PLEKHA5: variants seen among roughly 807,000 people sequenced by gnomAD.
PLEKHA5 encodes the protein pleckstrin homology domain containing A5.
A neutral mutation model predicts 181.9 loss-of-function variants in PLEKHA5; 55 were observed. That is an observed-to-expected ratio of 0.30 (90% CI 0.24 to 0.38). The LOEUF (loss-of-function observed/expected upper bound fraction) is 0.38. Among genes scored for constraint, PLEKHA5 ranks in the 10% least tolerant of loss-of-function variants. PLEKHA5 has a pLI of 1.00. For synonymous variants in PLEKHA5, 535 were observed against 529.4 expected, an observed-to-expected ratio of 1.01 and a Z score of -0.15; for missense variants, 1,432 against 1,549.5, an observed-to-expected ratio of 0.92 and a Z score of 1.27.
chr12:19,367,255 CTTCTTTTTTTTTTTTT>C (rs1218499994), intron 30 of PLEKHA5, among the ~76,000 whole-genome samples: 5 of 107,676 alleles, frequency 4.6e-5, no homozygotes, highest in Non-Finnish European at 8.8e-5. Context: ...CGCTTTGCTT[CTTCTTTTTTTTTTTTT>C]TTTTTTTTTT....
At chr12:19,168,652 T>G (rs1013378538) in intron 3 of PLEKHA5, among the ~76,000 whole-genome samples, 4 of 152,202 alleles carry the variant, frequency 2.6e-5, no homozygotes, top group African/African-American at 9.7e-5. Flanking sequence ...CATACATATG[T>G]GCACATTCTG....
intron 15 of PLEKHA5, chr12:19,306,448 C>T (rs1199244444): frequency 3.3e-6 from 2 of 607,198 alleles, no homozygotes; most frequent in East Asian, 8.1e-5. Context: ...GAGGCTGTAG[C>T]ATCGGATACC....
intron 14 of PLEKHA5, 60 bp downstream of exon 14, chr12:19,290,856 A>G (rs2152842911): frequency 8.4e-6 from 12 of 1,427,438 alleles, no homozygotes; most frequent in African/African-American, 1.4e-5. Flanking sequence ...TGAAACACTC[A>G]TCAGTCAATA....
Position 19,363,495 on chromosome 12 carries a change from T to C in PLEKHA5, c.3608+1789T>C, listed in dbSNP as rs562899057. ...TTTAGCTATATTTCTTAACTAGCCT[T>C]CTTTTTTTTTTTTTGAGACAGAGTC... On this transcript the variant is annotated intron_variant, in intron 29 of 31. Coordinates refer to ENST00000429027, the MANE Select transcript of PLEKHA5 (RefSeq NM_001256470.2). Among the ~76,000 whole-genome samples the C allele has an allele frequency of 2.2e-4, 33 of 150,176 alleles. No homozygotes were observed. In the South Asian group the frequency reaches 5.7e-3, roughly 26 times the overall value.
At chr12:19,306,692 C>A in intron 15 of PLEKHA5, 1 of 1,469,864 alleles carries the variant, frequency 6.8e-7, no homozygotes, top group Non-Finnish European at 9.5e-7. Context: ...CAGATGCGGA[C>A]TCTCTTCGGT....
chr12:19,211,321 T>G (rs867907709), intron 3 of PLEKHA5, among the ~76,000 whole-genome samples: 2 of 152,204 alleles, frequency 1.3e-5, no homozygotes, highest in Middle Eastern at 6.8e-3. Context: ...GTGATTAAAT[T>G]AAGGACTTTG....
intron 3 of PLEKHA5, chr12:19,152,242 A>G (rs1031100577): frequency 2.6e-5 from 4 of 152,188 alleles, no homozygotes; most frequent in Admixed American, 6.5e-5. Flanking sequence ...AGTCATTTTG[A>G]AAGTTCAAAC....
chr12:19,335,531 T>C (rs1373534764), intron 20 of PLEKHA5, among the ~76,000 whole-genome samples: 1 of 149,818 alleles, frequency 6.7e-6, no homozygotes, highest in African/African-American at 2.5e-5. Flanking sequence ...TTCTCCTGCC[T>C]CAGCCTCCTA....
At chr12:19,200,245 T>G in intron 3 of PLEKHA5, 2 of 1,019,536 alleles carry the variant, frequency 2.0e-6, no homozygotes, top group Non-Finnish European at 2.9e-6. Flanking sequence ...CCCATCCCCC[T>G]TAAATATGTA....
intron 3 of PLEKHA5, among the ~76,000 whole-genome samples, chr12:19,248,094 G>A (rs1377764897): frequency 4.6e-5 from 7 of 151,952 alleles, no homozygotes; most frequent in African/African-American, 1.7e-4. Flanking sequence ...GTGATGGCGT[G>A]CACCTTTAGT....
intron 7 of PLEKHA5, 41 bp downstream of exon 7, chr12:19,261,062 G>T: frequency 9.4e-7 from 1 of 1,060,654 alleles, no homozygotes; most frequent in Non-Finnish European, 1.4e-6. Flanking sequence ...TTTTGTAATT[G>T]ATATGTAATA....
chr12:19,164,869 A>C (rs940810146), intron 3 of PLEKHA5, among the ~76,000 whole-genome samples: 1 of 151,770 alleles, frequency 6.6e-6, no homozygotes, highest in South Asian at 2.1e-4. Flanking sequence ...TTCCATTTCT[A>C]CTTGCGGATG....
intron 3 of PLEKHA5, among the ~76,000 whole-genome samples, chr12:19,224,044 G>T (rs2059356741): frequency 6.6e-6 from 1 of 152,114 alleles, no homozygotes; most frequent in Admixed American, 6.5e-5. Context: ...TGTGATTGTT[G>T]TCTAGGTTTC....
intron 3 of PLEKHA5, chr12:19,153,396 A>ATG (rs1409588964): frequency 1.3e-4 from 20 of 152,300 alleles, no homozygotes; most frequent in African/African-American, 4.3e-4. Flanking sequence ...TGTTGGGATC[A>ATG]ACCCAACTTG....
At chr12:19,261,599 T>G (rs1361024663) in intron 7 of PLEKHA5, among the ~76,000 whole-genome samples, 1 of 152,202 alleles carries the variant, frequency 6.6e-6, no homozygotes, top group Non-Finnish European at 1.5e-5. Flanking sequence ...AGTTGTTACC[T>G]GCCAATGAAA....
intron 30 of PLEKHA5, among the ~76,000 whole-genome samples, chr12:19,367,492 T>A (rs2095462204): frequency 6.6e-6 from 1 of 151,622 alleles, no homozygotes; most frequent in Non-Finnish European, 1.5e-5. Flanking sequence ...TGACCTCAGG[T>A]GATCCACCCA....
intron 3 of PLEKHA5, among the ~76,000 whole-genome samples, chr12:19,180,133 T>G (rs1343259197): frequency 6.6e-6 from 1 of 152,220 alleles, no homozygotes; most frequent in Non-Finnish European, 1.5e-5. Flanking sequence ...TGGTGATTAT[T>G]TTTTAGAGCA....
At chr12:19,205,664 A>G (rs1427731021) in intron 3 of PLEKHA5, among the ~76,000 whole-genome samples, 1 of 152,130 alleles carries the variant, frequency 6.6e-6, no homozygotes, top group Non-Finnish European at 1.5e-5. Context: ...ATAAATTGCT[A>G]TGATGATACT....
chr12:19,362,553 A>G (rs903531452), intron 29 of PLEKHA5, among the ~76,000 whole-genome samples: 1 of 151,154 alleles, frequency 6.6e-6, no homozygotes, highest in African/African-American at 2.5e-5. Context: ...GGAAAAAAAA[A>G]GAAAATACAT....
Sources: gnomAD v4.1 joint callset for allele counts (sites outside exome capture counted in the v4.1 genomes callset) on GRCh38, gnomAD v4.1.1 for gene constraint, MANE v1.5 for transcripts, NCBI Gene and HGNC (gene_info 2026-07-23, HGNC 2026-07-21) for gene names.